Variants in TLL1 observed in about 807,000 individuals in gnomAD.
TLL1 encodes tolloid-like protein 1.
TLL1 carries 49 observed loss-of-function variants against 128.2 expected under a neutral mutation model. That is an observed-to-expected ratio of 0.38 (90% CI 0.30 to 0.48). The LOEUF (loss-of-function observed/expected upper bound fraction) is 0.48. Among genes scored for constraint, TLL1 ranks in the 20% least tolerant of loss-of-function variants. The probability of loss-of-function intolerance (pLI) is 0.96; values close to 1 mark genes in which losing one functional copy is unlikely to be tolerated. For missense variants in TLL1, 1,123 were observed against 1,242.0 expected (o/e 0.90, Z 1.44); for synonymous variants, 454 against 418.8 (o/e 1.08, Z -1.03).
intron 1 of TLL1, among the ~76,000 whole-genome samples, chr4:165,948,805 A>T (rs1228099287): frequency 6.6e-6 from 1 of 152,262 alleles, no homozygotes; most frequent in South Asian, 2.1e-4. Flanking sequence ...TTCAAAGCAT[A>T]GCAGTGCTCT....
chr4:166,052,156 A>G (rs567689622), intron 12 of TLL1, among the ~76,000 whole-genome samples: 1 of 152,212 alleles, frequency 6.6e-6, no homozygotes, highest in South Asian at 2.1e-4. Flanking sequence ...TTTCAATAGG[A>G]ACTATGTTGT....
intron 14 of TLL1, 90 bp downstream of exon 14, chr4:166,057,399 CT>C: frequency 6.5e-7 from 1 of 1,549,974 alleles, no homozygotes; most frequent in African/African-American, 1.4e-5. Context: ...CTTTCTTTCC[CT>C]TTTTCCTATA....
At chr4:166,007,468 C>G (rs985388222) in intron 6 of TLL1, among the ~76,000 whole-genome samples, 1 of 151,640 alleles carries the variant, frequency 6.6e-6, no homozygotes, top group African/African-American at 2.4e-5. Context: ...GCCTGCAGAG[C>G]TCTGTTTAAC....
intron 19 of TLL1, among the ~76,000 whole-genome samples, chr4:166,095,993 T>G (rs941852669): frequency 3.3e-5 from 5 of 152,148 alleles, no homozygotes; most frequent in Admixed American, 2.0e-4. Context: ...ATAAATGACC[T>G]ATTGACCATT....
intron 1 of TLL1, among the ~76,000 whole-genome samples, chr4:165,920,121 G>A (rs1732979537): frequency 6.6e-6 from 1 of 152,172 alleles, no homozygotes; most frequent in South Asian, 2.1e-4. Flanking sequence ...TGCGTCTCCT[G>A]TGAAAATCAT....
intron 12 of TLL1, among the ~76,000 whole-genome samples, chr4:166,052,965 G>GTGTGTATATATATA: frequency 4.0e-5 from 4 of 99,644 alleles, no homozygotes; most frequent in Non-Finnish European, 4.3e-5. Flanking sequence ...GAGGTTATGT[G>GTGTGTATATATATA]TATATATATA....
intron 1 of TLL1, among the ~76,000 whole-genome samples, chr4:165,923,182 AT>A (rs1037206180): frequency 7.9e-5 from 12 of 151,802 alleles, no homozygotes; most frequent in Non-Finnish European, 1.5e-4. Flanking sequence ...GGAAAATGTG[AT>A]TTTTTTTCTC....
At chr4:165,989,518 G>T in intron 2 of TLL1, 27 bp downstream of exon 2, 6 of 1,566,398 alleles carry the variant, frequency 3.8e-6, no homozygotes, top group Non-Finnish European at 5.3e-6. Context: ...CAGAAAATTT[G>T]TCTTTATTTT....
Position 165,994,372 on chromosome 4 carries a change from T to C in TLL1, c.362-9T>C. On this transcript the variant is annotated splice_polypyrimidine_tract_variant and intron_variant, in intron 3 of 20. Coordinates refer to ENST00000061240, the MANE Select transcript of TLL1 (RefSeq NM_012464.5). Reference sequence around the variant, plus strand: ...TCTGTTTCACAGAATGTTTTAAATGTCACTGCAGGCTTGGAGCAAAACAAC... The same window carrying C: ...TCTGTTTCACAGAATGTTTTAAATGCCACTGCAGGCTTGGAGCAAAACAAC... The C allele has an allele frequency of 6.2e-7, 1 of 1,613,952 alleles. No individual in the cohort carries two copies. The highest frequency in any genetic ancestry group is 8.5e-7 in the Non-Finnish European group (1 of 1,179,872).
rs1742338628 is a variant in TLL1, at chr4:166,102,493, C to T, written c.*1617C>T. The T allele has an allele frequency of 6.6e-6, 1 of 152,248 alleles. No individual in the cohort carries two copies. The highest frequency in any genetic ancestry group is 1.5e-5 in the Non-Finnish European group (1 of 67,876). The allele number at this position is 152,248 out of a possible 1,614,324, so 9.4% of individuals were successfully genotyped here. On this transcript the variant is annotated 3_prime_UTR_variant, in exon 21 of 21. Coordinates refer to ENST00000061240, the MANE Select transcript of TLL1 (RefSeq NM_012464.5). ...TTGAAATAGCACCTTCCTTAGGTTT[C>T]ATGGACAAATAATGGGAACTTCTAA...
intron 1 of TLL1, among the ~76,000 whole-genome samples, chr4:165,949,627 G>T (rs10034635): frequency 6.6e-6 from 1 of 151,988 alleles, no homozygotes; most frequent in African/African-American, 2.4e-5. Flanking sequence ...ACAGCAGAAG[G>T]TGAAAGGTAC....
intron 16 of TLL1, among the ~76,000 whole-genome samples, chr4:166,068,530 T>C (rs1167226758): frequency 6.6e-6 from 1 of 151,846 alleles, no homozygotes; most frequent in Non-Finnish European, 1.5e-5. Flanking sequence ...TCTTAAATGC[T>C]AAAACTCACT....
At chr4:166,046,206 G>T (rs1321855458) in intron 12 of TLL1, among the ~76,000 whole-genome samples, 1 of 152,170 alleles carries the variant, frequency 6.6e-6, no homozygotes, top group Non-Finnish European at 1.5e-5. Flanking sequence ...GTATGAATGT[G>T]TGATGGTTGG....
At chr4:165,896,064 C>T (rs749341413) in intron 1 of TLL1, among the ~76,000 whole-genome samples, 5 of 152,114 alleles carry the variant, frequency 3.3e-5, no homozygotes, top group African/African-American at 9.6e-5. Context: ...GGTATTTCTC[C>T]GAATGCTATC....
chr4:166,042,273 T>C, intron 11 of TLL1, 130 bp downstream of exon 11: 1 of 661,748 alleles, frequency 1.5e-6, no homozygotes. Context: ...TGTATTATAA[T>C]ATTCATACAG....
Position 166,075,475 on chromosome 4 carries a change from A to T in TLL1, c.2314+472A>T, listed in dbSNP as rs138533143. Among the ~76,000 whole-genome samples the T allele has an allele frequency of 7.8e-4, 119 of 152,288 alleles. 1 individual carries two copies. Among genetic ancestry groups the T allele is most frequent in the African/African-American group, 2.8e-3 (115 of 41,560 alleles). On this transcript the variant is annotated intron_variant, in intron 17 of 20. Coordinates refer to ENST00000061240, the MANE Select transcript of TLL1 (RefSeq NM_012464.5). ...AAGGGAAGACATTTGAAAATGGTAG[A>T]CACTGTGTCATTTAAAGTTTTAAGT...
intron 19 of TLL1, among the ~76,000 whole-genome samples, chr4:166,097,328 G>T (rs1742071652): frequency 6.6e-6 from 1 of 152,024 alleles, no homozygotes; most frequent in African/African-American, 2.4e-5. Context: ...AAGGCTAATT[G>T]GTATTCCAGC....
chr4:166,003,498 GC>G lies in TLL1; in HGVS notation c.741del (p.Trp249GlyfsTer13). On this transcript the variant is annotated frameshift_variant, in exon 6 of 21. Transcript: ENST00000061240. LOFTEE classifies it high-confidence loss of function. ...IVVHELGHVI[G>X]FWHEHTRPDR... ...GTTCATGAATTGGGTCATGTGATAG[GC>G]TTTTGGCATGAACACACAAGACCAG... 1 of 1,613,978 alleles carries G rather than the reference GC, an allele frequency of 6.2e-7. No individual in the cohort carries two copies. The highest frequency in any genetic ancestry group is 8.5e-7 in the Non-Finnish European group (1 of 1,179,948).
chr4:165,986,525 T>C (rs183915751), intron 1 of TLL1, among the ~76,000 whole-genome samples: 155 of 152,228 alleles, frequency 1.0e-3, no homozygotes, highest in African/African-American at 3.6e-3. Context: ...CACTCACTAT[T>C]GCTTTCTCTC....
Sources: gnomAD v4.1 joint callset for allele counts (sites outside exome capture counted in the v4.1 genomes callset) on GRCh38, gnomAD v4.1.1 for gene constraint, MANE v1.5 for transcripts, NCBI Gene and HGNC (gene_info 2026-07-23, HGNC 2026-07-21) for gene names.